Variants in PPIL4 observed in about 807,000 individuals in gnomAD.
PPIL4 encodes peptidylprolyl isomerase like 4.
In PPIL4, 50 loss-of-function variants were observed where a neutral mutation model predicts 69.1. The observed-to-expected ratio is 0.72, with a 90% CI of 0.58 to 0.92. PPIL4 has a LOEUF of 0.92. Ranked by LOEUF, PPIL4 falls within the 40% of genes least tolerant of loss-of-function variation. PPIL4 has a pLI of 0.00. For synonymous variants in PPIL4, 193 were observed against 191.6 expected (o/e 1.01, Z -0.06); for missense variants, 480 against 587.9 (o/e 0.82, Z 1.90).
chr6:149,543,277 T>C (rs1057479275), intron 1 of PPIL4, among the ~76,000 whole-genome samples: 3 of 152,090 alleles, frequency 2.0e-5, no homozygotes, highest in Non-Finnish European at 4.4e-5. Context: ...TAAAGAACAA[T>C]TTATAGGAAA....
chr6:149,528,885 T>A (rs1162935579), intron 7 of PPIL4, among the ~76,000 whole-genome samples: 4 of 152,188 alleles, frequency 2.6e-5, no homozygotes, highest in African/African-American at 9.7e-5. Context: ...GTAAAAAATA[T>A]ACAAGCTGTG....
At chr6:149,536,454 G>A (rs73604743) in intron 4 of PPIL4, among the ~76,000 whole-genome samples, 4,101 of 152,210 alleles carry the variant, frequency 0.027, 162 homozygotes, top group African/African-American at 0.093. Context: ...TAAATGCAAA[G>A]GAAAAGTTCT....
rs377342497 is a variant in PPIL4, at chr6:149,538,799, AC to A, written c.321+2142del. Among the ~76,000 whole-genome samples, 238 of 152,060 alleles carry A rather than the reference AC, an allele frequency of 1.6e-3. 1 individual carries two copies. Among genetic ancestry groups the A allele is most frequent in the African/African-American group, 5.4e-3 (223 of 41,500 alleles). ...TGCTGCAATCTCATGATCAAACCTG[AC>A]CAGATATGGAGCTCCTTCTTAAGGA... On this transcript the variant is annotated intron_variant, in intron 4 of 12. Coordinates refer to ENST00000253329, the MANE Select transcript of PPIL4 (RefSeq NM_139126.4).
At position 149,505,110 on chromosome 6, in the gene PPIL4, T is replaced by C. The variant is rs149457606; in HGVS notation, c.*343A>G. The C allele has an allele frequency of 6.0e-6, 1 of 167,094 alleles. No individual in the cohort carries two copies. Among genetic ancestry groups the C allele is most frequent in the East Asian group, 1.7e-4 (1 of 5,780 alleles). 10.4% of individuals were successfully genotyped at this position (167,094 alleles called of 1,614,324 possible). The stretch of plus-strand genomic sequence containing the variant: ...GACAACATCTGTATCTTAAGCTGGC[T>C]GATGAGTACACAGATATTTACATTT... On this transcript the variant is annotated 3_prime_UTR_variant, in exon 13 of 13. Coordinates refer to ENST00000253329, the MANE Select transcript of PPIL4 (RefSeq NM_139126.4).
At chr6:149,532,379 C>A (rs1297580365) in intron 7 of PPIL4, among the ~76,000 whole-genome samples, 3 of 152,292 alleles carry the variant, frequency 2.0e-5, no homozygotes, top group South Asian at 2.1e-4. Flanking sequence ...AATCTAAATT[C>A]ATTCCCTTAT....
intron 11 of PPIL4, among the ~76,000 whole-genome samples, chr6:149,516,467 C>CT (rs1776945861): frequency 6.6e-6 from 1 of 151,914 alleles, no homozygotes; most frequent in Non-Finnish European, 1.5e-5. Flanking sequence ...AAAGAAATGT[C>CT]TACATATGTA....
chr6:149,533,409 T>C (rs1350191418), intron 7 of PPIL4, 49 bp downstream of exon 7: 4 of 968,592 alleles, frequency 4.1e-6, no homozygotes, highest in South Asian at 4.1e-5. Flanking sequence ...ACTCAGTAAG[T>C]ATTATTAGAT....
At position 149,533,506 on chromosome 6, in the gene PPIL4, T is replaced by G. The variant is rs774662846; in HGVS notation, c.630A>C (p.Glu210Asp). The change falls in exon 7 of 13, where the codon GAA (glutamate) becomes GAC (aspartate). Residue 210 changes from glutamate to aspartate, a missense_variant. By Grantham distance (45) the Glu-to-Asp change is conservative (BLOSUM62 2). Transcript: ENST00000253329. ...FKGRSAEEVE[E>D]IKAEKEAKTQ... is the part of the protein sequence containing the mutation. The stretch of plus-strand genomic sequence containing the variant: ...TTTTAGCCTCTTTTTCTGCCTTTAT[T>G]TCTTCTACTTCCTCAGCTGATCTTC... The G allele has an allele frequency of 6.2e-7, 1 of 1,612,278 alleles. No homozygotes were observed. Among genetic ancestry groups the G allele is most frequent in the Non-Finnish European group, 8.5e-7 (1 of 1,178,632 alleles).
chr6:149,524,799 G>C (rs1425146951), intron 9 of PPIL4, among the ~76,000 whole-genome samples: 1 of 152,124 alleles, frequency 6.6e-6, no homozygotes, highest in Non-Finnish European at 1.5e-5. Context: ...CTACTGGGGA[G>C]GCTGAGGCAA....
chr6:149,518,138 T>C (rs1776976678), intron 10 of PPIL4, among the ~76,000 whole-genome samples: 1 of 152,154 alleles, frequency 6.6e-6, no homozygotes, highest in South Asian at 2.1e-4. Flanking sequence ...GTCTCTACTT[T>C]GAAATTCTAA....
chr6:149,513,508 A>G (rs997592546), intron 11 of PPIL4, among the ~76,000 whole-genome samples: 9 of 149,288 alleles, frequency 6.0e-5, no homozygotes, highest in Non-Finnish European at 1.2e-4. Flanking sequence ...ATCTAGTAAT[A>G]AAGACATACT....
chr6:149,504,762 C>T lies in PPIL4; in HGVS notation c.*691G>A, dbSNP rs1436216912. 1.3e-5 allele frequency: 2 copies of T among 152,130 alleles called. No homozygotes were observed. Among genetic ancestry groups the T allele is most frequent in the Non-Finnish European group, 2.9e-5 (2 of 68,034 alleles). 9.4% of individuals were successfully genotyped at this position (152,130 alleles called of 1,614,324 possible). On this transcript the variant is annotated 3_prime_UTR_variant, in exon 13 of 13. Transcript: ENST00000253329. ...GAACACAAATTTGGCATTATTTTAT[C>T]AATATATCAAGCAATATAACTGCTA...
intron 1 of PPIL4, among the ~76,000 whole-genome samples, chr6:149,544,383 T>C (rs1325345258): frequency 1.3e-5 from 2 of 152,210 alleles, no homozygotes; most frequent in East Asian, 3.8e-4. Context: ...AACACATTTA[T>C]ATCCATTAGT....
chr6:149,509,032 G>A (rs1258735548), intron 12 of PPIL4, among the ~76,000 whole-genome samples: 2 of 151,980 alleles, frequency 1.3e-5, no homozygotes, highest in Non-Finnish European at 2.9e-5. Flanking sequence ...CTTAAATACT[G>A]ATGCTGAGTT....
At chr6:149,514,601 C>A (rs966545609) in intron 11 of PPIL4, among the ~76,000 whole-genome samples, 1 of 152,060 alleles carries the variant, frequency 6.6e-6, no homozygotes, top group Non-Finnish European at 1.5e-5. Context: ...GGATTACAGG[C>A]ATGAGCCACT....
intron 12 of PPIL4, among the ~76,000 whole-genome samples, chr6:149,511,146 A>G (rs1475943326): frequency 2.0e-5 from 3 of 151,948 alleles, no homozygotes; most frequent in African/African-American, 7.3e-5. Flanking sequence ...TTCTCACCTC[A>G]GCCCACTGAA....
At chr6:149,517,506 C>T (rs1776965895) in intron 10 of PPIL4, 56 bp from the exon 11 acceptor site, 2 of 759,948 alleles carry the variant, frequency 2.6e-6, no homozygotes, top group South Asian at 4.2e-5. Flanking sequence ...TAACCAAGAA[C>T]AATAATTATT....
chr6:149,514,723 T>C (rs566415367), intron 11 of PPIL4, among the ~76,000 whole-genome samples: 16 of 151,614 alleles, frequency 1.1e-4, no homozygotes, highest in African/African-American at 3.6e-4. Flanking sequence ...AGAAATACAG[T>C]ATATGCCTAA....
In PPIL4 at chr6:149,525,346, C is replaced by T. The variant is rs188721467; in HGVS notation, c.804-137G>A. ...AATTCATAGATTATTTTTCCAAATT[C>T]ATTTAATAACAATTCTTTTTTAAAA... On this transcript the variant is annotated intron_variant, in intron 8 of 12. Transcript: ENST00000253329. 3.3e-5 allele frequency: 17 copies of T among 522,330 alleles called. No homozygotes were observed. The East Asian group carries it at 5.4e-4, about 17-fold the overall frequency. The allele number at this position is 522,330 out of a possible 1,614,324, so 32.4% of individuals were successfully genotyped here.
Sources: gnomAD v4.1 joint callset for allele counts (sites outside exome capture counted in the v4.1 genomes callset) on GRCh38, gnomAD v4.1.1 for gene constraint, MANE v1.5 for transcripts, NCBI Gene and HGNC (gene_info 2026-07-23, HGNC 2026-07-21) for gene names.